ESS2: variants seen among roughly 807,000 people sequenced by gnomAD.
ESS2 encodes the protein ess-2 spliceosome associated protein, also known as splicing factor ESS-2 homolog.
ESS2 carries 31 observed loss-of-function variants against 52.0 expected under a neutral mutation model. The observed-to-expected ratio is 0.60, with a 90% CI of 0.45 to 0.81. The LOEUF (loss-of-function observed/expected upper bound fraction) is 0.81. Among genes scored for constraint, ESS2 ranks in the 30% least tolerant of loss-of-function variants. ESS2 has a pLI of 0.00. For synonymous variants in ESS2, 285 were observed against 259.2 expected (o/e 1.10, Z -0.95); for missense variants, 602 against 637.2 (o/e 0.94, Z 0.59).
Position 19,131,898 on chromosome 22 carries a change from G to A in ESS2, c.*2298C>T, listed in dbSNP as rs1225187516. ...CAAGCGCTGCCTGCGGGACAGCAAT[G>A]GGCGCATCATCCTCAGCAAGACCTT... On this transcript the variant is annotated 3_prime_UTR_variant, in exon 10 of 10. Coordinates refer to ENST00000252137, the MANE Select transcript of ESS2 (RefSeq NM_022719.3). The surrounding 1 kb of genome is among the most constrained non-coding windows in gnomAD (Gnocchi z 5.7). 6.2e-7 allele frequency: 1 copy of A among 1,613,994 alleles called. No homozygotes were observed. Among genetic ancestry groups the A allele is most frequent in the East Asian group, 2.2e-5 (1 of 44,890 alleles).
rs1322126750 is a variant in ESS2, at chr22:19,131,534, C to T, written c.*2662G>A. ...ATGTGGCTGTCAAGATCATCGACCG[C>T]AAGAAAACACCTACTGACTTTGTGG... On this transcript the variant is annotated 3_prime_UTR_variant, in exon 10 of 10. Coordinates refer to ENST00000252137, the MANE Select transcript of ESS2 (RefSeq NM_022719.3). This position sits in a 1 kb window ranked among gnomAD's most constrained non-coding sequence, Gnocchi z 5.7. The T allele has an allele frequency of 6.2e-7, 1 of 1,614,166 alleles. No individual in the cohort carries two copies. Among genetic ancestry groups the T allele is most frequent in the Non-Finnish European group, 8.5e-7 (1 of 1,180,036 alleles).
Position 19,134,186 on chromosome 22 carries a change from AGGCCT to A in ESS2, c.*5_*9del. On this transcript the variant is annotated 3_prime_UTR_variant, in exon 10 of 10. Transcript: ENST00000252137. ...TGTGAAGCGTCTATGAGCCCAGCCC[AGGCCT>A]GGCTCTAAAAGAAGTCCGAAGCTTT... is the stretch of plus-strand genomic sequence containing the variant. 1 of 1,505,390 alleles carries A rather than the reference AGGCCT, an allele frequency of 6.6e-7. No individual in the cohort carries two copies. The allele number at this position is 1,505,390 out of a possible 1,614,324, so 93.3% of individuals were successfully genotyped here.
rs1569102529 is a variant in ESS2, at chr22:19,131,668, T to C, written c.*2528A>G. The C allele has an allele frequency of 3.1e-6, 5 of 1,614,012 alleles. No homozygotes were observed. The highest frequency in any genetic ancestry group is 1.3e-5 in the African/African-American group (1 of 74,908). The stretch of plus-strand genomic sequence containing the variant: ...TCTGACGGACGGATCTACATCATCA[T>C]GGAGCTTGGCGTCCAGGGCGACCTC... On this transcript the variant is annotated 3_prime_UTR_variant, in exon 10 of 10. Coordinates refer to ENST00000252137, the MANE Select transcript of ESS2 (RefSeq NM_022719.3). This position sits in a 1 kb window ranked among gnomAD's most constrained non-coding sequence, Gnocchi z 5.7.
chr22:19,132,063 A>T lies in ESS2; in HGVS notation c.*2133T>A, dbSNP rs901789026. On this transcript the variant is annotated 3_prime_UTR_variant, in exon 10 of 10. Transcript: ENST00000252137. This position sits in a 1 kb window ranked among gnomAD's most constrained non-coding sequence, Gnocchi z 4.2. ...CATGCCCTATGACGACTCCGACATC[A>T]GGAAGATGCTGCGTATCCAGAAGGA... 6.2e-7 allele frequency: 1 copy of T among 1,613,886 alleles called. No homozygotes were observed. The highest frequency in any genetic ancestry group is 1.3e-5 in the African/African-American group (1 of 74,908).
At position 19,142,738 on chromosome 22, in the gene ESS2, G is replaced by A. The variant is rs761214188; in HGVS notation, c.292C>T (p.Pro98Ser). Residue 98 changes from proline (P) to serine (S), a missense_variant, in exon 2 of 10, where the codon CCC becomes TCC. Pro to Ser is a moderately conservative substitution (Grantham distance 74, BLOSUM62 -1). Coordinates refer to ENST00000252137, the MANE Select transcript of ESS2 (RefSeq NM_022719.3). ...GSALGKMSRE[P>S]PPPYVTPATF... ...AGGGTCCTCATACAGGGTGGCGGGG[G>A]CTCCCGGGACATCTTGCCCAAGGCA... The A allele has an allele frequency of 3.1e-6, 5 of 1,613,798 alleles. No homozygotes were observed. The South Asian group carries it at 3.3e-5, about 11-fold the overall frequency.
chr22:19,144,650 A>G lies in ESS2; in HGVS notation c.-10T>C, dbSNP rs775120811. 6.7e-7 allele frequency: 1 copy of G among 1,497,590 alleles called. No individual in the cohort carries two copies. The highest frequency in any genetic ancestry group is 2.5e-5 in the East Asian group (1 of 39,244). The allele number at this position is 1,497,590 out of a possible 1,614,324, so 92.8% of individuals were successfully genotyped here. A position where few individuals can be genotyped will look rare whatever the true frequency, so the allele number is the denominator to read the frequency against. On this transcript the variant is annotated 5_prime_UTR_variant, in exon 1 of 10. Coordinates refer to ENST00000252137, the MANE Select transcript of ESS2 (RefSeq NM_022719.3). ...CGCCCGGCGTCTCCATCGCTATCCC[A>G]GGAAAAAGCTCGGGCCCAGCAGGCG...
chr22:19,138,727 A>G (rs1271604522), intron 6 of ESS2, among the ~76,000 whole-genome samples: 1 of 152,194 alleles, frequency 6.6e-6, no homozygotes, highest in Non-Finnish European at 1.5e-5. Flanking sequence ...TGACTGCCAC[A>G]GTCACCATCA....
intron 3 of ESS2, 105 bp from the exon 4 acceptor site, chr22:19,140,129 C>T: frequency 7.2e-7 from 1 of 1,394,102 alleles, no homozygotes; most frequent in African/African-American, 1.4e-5. Context: ...GGGCTGGAAT[C>T]CTCTCCCCTG....
intron 1 of ESS2, among the ~76,000 whole-genome samples, chr22:19,143,325 A>G (rs756479306): frequency 3.9e-5 from 6 of 152,182 alleles, no homozygotes; most frequent in Middle Eastern, 3.4e-3. Context: ...TACTTCCCCA[A>G]TGACTGGGGC....
At chr22:19,144,281 C>T (rs567608885) in intron 1 of ESS2, 410 of 1,319,306 alleles carry the variant, frequency 3.1e-4, no homozygotes, top group Admixed American at 7.4e-4. Context: ...ACCCCCGTCC[C>T]ATACAAAGAG....
At chr22:19,140,097 G>C (rs926590354) in intron 3 of ESS2, 73 bp from the exon 4 acceptor site, 128 of 1,554,120 alleles carry the variant, frequency 8.2e-5, no homozygotes, top group Middle Eastern at 1.8e-4. Flanking sequence ...CCAGGCCCAG[G>C]AATCATAGCC....
In ESS2 at chr22:19,132,701, C is replaced by A; in HGVS notation, c.*1495G>T. 2 of 559,932 alleles carry A rather than the reference C, an allele frequency of 3.6e-6. No individual in the cohort carries two copies. Among genetic ancestry groups the A allele is most frequent in the Non-Finnish European group, 6.3e-6 (2 of 315,468 alleles). 34.7% of individuals were successfully genotyped at this position (559,932 alleles called of 1,614,324 possible). Reference sequence around the variant, plus strand: ...AAATAAACCACAGGGTGTGTGCAAGCATCAAGAGTGCCCAGTGAGGAGTGT... The same window carrying A: ...AAATAAACCACAGGGTGTGTGCAAGAATCAAGAGTGCCCAGTGAGGAGTGT... On this transcript the variant is annotated 3_prime_UTR_variant, in exon 10 of 10. Transcript: ENST00000252137. This position sits in a 1 kb window ranked among gnomAD's most constrained non-coding sequence, Gnocchi z 4.2.
At position 19,132,027 on chromosome 22, in the gene ESS2, G is replaced by T. The variant is rs1484574715; in HGVS notation, c.*2169C>A. On this transcript the variant is annotated 3_prime_UTR_variant, in exon 10 of 10. Transcript: ENST00000252137. This position sits in a 1 kb window ranked among gnomAD's most constrained non-coding sequence, Gnocchi z 4.2. Reference sequence around the variant, plus strand: ...CCTGGGCGTGATCCTGTACATCATGGTCTGCGGCTCCATGCCCTATGACGA... The same window carrying T: ...CCTGGGCGTGATCCTGTACATCATGTTCTGCGGCTCCATGCCCTATGACGA... 2 of 1,614,006 alleles carry T rather than the reference G, an allele frequency of 1.2e-6. No homozygotes were observed. Among genetic ancestry groups the T allele is most frequent in the African/African-American group, 1.3e-5 (1 of 74,916 alleles).
intron 3 of ESS2, among the ~76,000 whole-genome samples, chr22:19,141,061 C>G (rs1033675463): frequency 1.3e-5 from 2 of 150,490 alleles, no homozygotes; most frequent in Non-Finnish European, 2.9e-5. Flanking sequence ...GTGGGAGGAT[C>G]ACTTGAGCTC....
intron 9 of ESS2, among the ~76,000 whole-genome samples, chr22:19,134,826 A>T (rs2083553585): frequency 6.6e-6 from 1 of 152,178 alleles, no homozygotes; most frequent in South Asian, 2.1e-4. Context: ...GATGCCTCTT[A>T]GGGACGGGTC....
Position 19,144,627 on chromosome 22 carries a change from C to G in ESS2, c.14G>C (p.Gly5Ala). 2 of 1,530,750 alleles carry G rather than the reference C, an allele frequency of 1.3e-6. No individual in the cohort carries two copies. The highest frequency in any genetic ancestry group is 1.8e-6 in the Non-Finnish European group (2 of 1,134,994). 94.8% of individuals were successfully genotyped at this position (1,530,750 alleles called of 1,614,324 possible). A position where few individuals can be genotyped will look rare whatever the true frequency, so the allele number is the denominator to read the frequency against. Residue 5 changes from glycine to alanine, a missense_variant, in exon 1 of 10, where the codon GGC (glycine) becomes GCC (alanine). Transcript: ENST00000252137. METP[G>A]ASASSLLLPA... is the part of the protein sequence containing the mutation. ...AAGCAACAAGGACGACGCTGATGCG[C>G]CCGGCGTCTCCATCGCTATCCCAGG...
At position 19,144,620 on chromosome 22, in the gene ESS2, T is replaced by A. The variant is rs751020265; in HGVS notation, c.21A>T (p.Ser7=). The change falls in exon 1 of 10, where the codon TCA becomes TCT. Residue 7 remains serine (S), a synonymous_variant. Coordinates refer to ENST00000252137, the MANE Select transcript of ESS2 (RefSeq NM_022719.3). ...CGGCGGGAAGCAACAAGGACGACGC[T>A]GATGCGCCCGGCGTCTCCATCGCTA... The part of the protein sequence containing the change: METPGA[S]ASSLLLPAAS... The A allele has an allele frequency of 6.5e-7, 1 of 1,546,418 alleles. No individual in the cohort carries two copies. Among genetic ancestry groups the A allele is most frequent in the Non-Finnish European group, 8.7e-7 (1 of 1,143,702 alleles).
In ESS2 at chr22:19,131,344, C is replaced by T; in HGVS notation, c.*2852G>A. 1 of 1,477,070 alleles carries T rather than the reference C, an allele frequency of 6.8e-7. No individual in the cohort carries two copies. The highest frequency in any genetic ancestry group is 9.2e-7 in the Non-Finnish European group (1 of 1,085,252). 91.5% of individuals were successfully genotyped at this position (1,477,070 alleles called of 1,614,324 possible). ...GTAGTGTAAATGAGGACAATGCCTG[C>T]TGGCCCACATGACGGGGGGATGTAG... On this transcript the variant is annotated 3_prime_UTR_variant, in exon 10 of 10. Coordinates refer to ENST00000252137, the MANE Select transcript of ESS2 (RefSeq NM_022719.3). This position sits in a 1 kb window ranked among gnomAD's most constrained non-coding sequence, Gnocchi z 5.7.
chr22:19,144,248 T>G, intron 1 of ESS2: 1 of 1,268,388 alleles, frequency 7.9e-7, no homozygotes, highest in Non-Finnish European at 1.0e-6. Flanking sequence ...ACTCACACTT[T>G]AACAGAAAAT....
Sources: gnomAD v4.1 joint callset for allele counts (sites outside exome capture counted in the v4.1 genomes callset) on GRCh38, gnomAD v4.1.1 for gene constraint, Gnocchi (gnomAD v3.1) non-coding constraint, MANE v1.5 for transcripts, NCBI Gene and HGNC (gene_info 2026-07-23, HGNC 2026-07-21) for gene names.